LATS2: variants seen among roughly 807,000 people sequenced by gnomAD.
LATS2 encodes large tumor suppressor kinase 2.
A neutral mutation model predicts 76.0 loss-of-function variants in LATS2; 24 were observed. The ratio of observed to expected loss-of-function variants is 0.32; its 90% CI spans 0.23 to 0.44. The LOEUF (loss-of-function observed/expected upper bound fraction) is 0.44, where lower values mean the gene tolerates loss of function less well. Among genes scored for constraint, LATS2 ranks in the 20% least tolerant of loss-of-function variants. The pLI is 1.00. For synonymous variants in LATS2, 692 were observed against 635.4 expected, an observed-to-expected ratio of 1.09 and a Z score of -1.34; for missense variants, 1,286 against 1,481.2, an observed-to-expected ratio of 0.87 and a Z score of 2.16.
intron 2 of LATS2, among the ~76,000 whole-genome samples, chr13:21,007,895 A>G (rs1186470926): frequency 6.9e-6 from 1 of 144,612 alleles, no homozygotes; most frequent in Non-Finnish European, 1.5e-5. Flanking sequence ...GAGTAGCTGG[A>G]ATTACAGATG....
At chr13:21,015,324 C>T (rs901517781) in intron 2 of LATS2, among the ~76,000 whole-genome samples, 3 of 152,164 alleles carry the variant, frequency 2.0e-5, no homozygotes, top group African/African-American at 7.2e-5. Flanking sequence ...GGATCCTGCC[C>T]TGGAAGAAGG....
At position 20,989,283 on chromosome 13, in the gene LATS2, G is replaced by A; in HGVS notation, c.497C>T (p.Pro166Leu). Residue 166 changes from proline to leucine, a missense_variant, in exon 4 of 8, where the codon CCA becomes CTA. Transcript: ENST00000382592. ...TTCGAAGCTGGGCCTCCGCGTCACT[G>A]GGGTTGGCATGAGCCCCTTTCCTGC... ...TSPGKGLMPT[P>L]VTRRPSFEGT... The A allele has an allele frequency of 1.2e-6, 2 of 1,613,960 alleles. No homozygotes were observed. The highest frequency in any genetic ancestry group is 1.7e-6 in the Non-Finnish European group (2 of 1,180,032).
At chr13:21,032,943 A>G (rs1424474143) in intron 2 of LATS2, among the ~76,000 whole-genome samples, 2 of 152,140 alleles carry the variant, frequency 1.3e-5, no homozygotes, top group East Asian at 1.9e-4. Flanking sequence ...GGCAGACCCA[A>G]TGAGAACAGG....
chr13:21,022,508 G>A (rs1872110223), intron 2 of LATS2, among the ~76,000 whole-genome samples: 1 of 152,168 alleles, frequency 6.6e-6, no homozygotes, highest in Non-Finnish European at 1.5e-5. Flanking sequence ...ATTGGTCCAG[G>A]TGGACCTTGG....
At chr13:21,026,286 AC>A (rs1872308527) in intron 2 of LATS2, among the ~76,000 whole-genome samples, 1 of 150,092 alleles carries the variant, frequency 6.7e-6, no homozygotes, top group Admixed American at 6.7e-5. Context: ...CCTCCACCCC[AC>A]CCTAAGTAAC....
At position 21,045,873 on chromosome 13, in the gene LATS2, G is replaced by A. The variant is rs1049247677; in HGVS notation, c.154C>T (p.Leu52=). The change falls in exon 2 of 8, where the codon CTG becomes TTG. Residue 52 remains leucine, a synonymous_variant. Transcript: ENST00000382592. ...NSDTSLDAKV[L]GSKDATRQQQ... ...TGCCTGGTGGCATCTTTGCTCCCCA[G>A]GACTTTGGCATCCAGGGAAGTGTCA... The A allele has an allele frequency of 1.2e-6, 2 of 1,614,210 alleles. No individual in the cohort carries two copies. Among genetic ancestry groups the A allele is most frequent in the Admixed American group, 3.3e-5 (2 of 60,030 alleles).
chr13:21,051,151 CT>C (rs1873262179), intron 1 of LATS2, among the ~76,000 whole-genome samples: 1 of 152,222 alleles, frequency 6.6e-6, no homozygotes, highest in Non-Finnish European at 1.5e-5. Context: ...TCCAAGCAGA[CT>C]GCACATGCCC....
chr13:20,998,745 G>GCC lies in LATS2; in HGVS notation c.343-7342_343-7341insGG, dbSNP rs560130640. On this transcript the variant is annotated intron_variant, in intron 2 of 7. Transcript: ENST00000382592. ...GGCCCCAAGGCCTTGTCAATGCGGG[G>GCC]CGAGGCGGGGCGGGGCCCGACAACC... Among the ~76,000 whole-genome samples, 208 of 152,178 alleles carry GCC rather than the reference G, an allele frequency of 1.4e-3. 1 individual carries two copies. Among genetic ancestry groups the GCC allele is most frequent in the African/African-American group, 4.5e-3 (187 of 41,554 alleles).
At position 21,040,376 on chromosome 13, in the gene LATS2, C is replaced by CAA. The variant is rs141897751; in HGVS notation, c.342+5307_342+5308dup. ...ACAGCCTCGGCGACAGACCTTGTCT[C>CAA]AAAAAAAAAAAAAAAGAAAGAAAAA... On this transcript the variant is annotated intron_variant, in intron 2 of 7. Transcript: ENST00000382592. 7.1e-3 allele frequency among the ~76,000 whole-genome samples: 769 copies of CAA among 108,698 alleles called. 7 individuals carry two copies. Among genetic ancestry groups the CAA allele is most frequent in the African/African-American group, 0.026 (729 of 27,684 alleles). 71.3% of individuals were successfully genotyped at this position (108,698 alleles called of 152,430 possible).
At chr13:21,038,189 C>T (rs1377325969) in intron 2 of LATS2, among the ~76,000 whole-genome samples, 1 of 151,998 alleles carries the variant, frequency 6.6e-6, no homozygotes, top group East Asian at 1.9e-4. Flanking sequence ...CAACCAGGAG[C>T]CACCAAGATC....
rs1335337382 is a variant in LATS2 at position 20,988,056 on chromosome 13, G to A, written c.1724C>T (p.Thr575Ile). Residue 575 changes from threonine to isoleucine, a missense_variant, in exon 4 of 8, where the codon ACC (threonine) becomes ATC (isoleucine). Coordinates refer to ENST00000382592, the MANE Select transcript of LATS2 (RefSeq NM_014572.3). Reference sequence around the variant, plus strand: ...GTTTTTGCGGACGGGAACGGGAGAGGTCTGAATCTGCTTTTTATCCTTTCC... The same window carrying A: ...GTTTTTGCGGACGGGAACGGGAGAGATCTGAATCTGCTTTTTATCCTTTCC... The part of the protein sequence containing the change: ...KGGKDKKQIQ[T>I]SPVPVRKNSR... The A allele has an allele frequency of 2.5e-6, 4 of 1,614,140 alleles. No individual in the cohort carries two copies. In the South Asian group the frequency reaches 4.4e-5, roughly 18 times the overall value.
intron 3 of LATS2, among the ~76,000 whole-genome samples, chr13:20,989,782 C>A (rs1288769079): frequency 6.6e-6 from 1 of 152,222 alleles, no homozygotes; most frequent in Non-Finnish European, 1.5e-5. Flanking sequence ...TGCTCCACTT[C>A]TCTTTCACCT....
Position 21,050,948 on chromosome 13 carries a change from G to GT in LATS2, c.-204-4719_-204-4718insA, listed in dbSNP as rs535670603. 9.6e-4 allele frequency among the ~76,000 whole-genome samples: 147 copies of GT among 152,384 alleles called. 1 individual carries two copies. Among genetic ancestry groups the GT allele is most frequent in the Non-Finnish European group, 1.5e-3 (99 of 68,040 alleles). On this transcript the variant is annotated intron_variant, in intron 1 of 7. Coordinates refer to ENST00000382592, the MANE Select transcript of LATS2 (RefSeq NM_014572.3). ...ATGATACCACAGCCACGTGAGGGGG[G>GT]GCAGGAAAAGGCTGAGTCAAATGGA...
chr13:21,050,725 G>A (rs546869992), intron 1 of LATS2, among the ~76,000 whole-genome samples: 3 of 152,228 alleles, frequency 2.0e-5, no homozygotes, highest in South Asian at 2.1e-4. Flanking sequence ...GTGGGTGCTC[G>A]GCTCAAGGCC....
rs1870019472 is a variant in LATS2 at position 20,983,802 on chromosome 13, C to T, written c.1904G>A (p.Gly635Glu). Residue 635 changes from glycine (G) to glutamate (E), a missense_variant, in exon 5 of 8, where the codon GGA becomes GAA. Around this residue, in one of 5 missense-constraint regions of LATS2, gnomAD observed 247 missense variants for 385.4 expected, o/e 0.64. Transcript: ENST00000382592. ...CTGCTCCTGCTCAGCTTCACAGAGT[C>T]CAGCCTGTGTAGAAGGAAAAGGAAG... ...LQLEQEMAKAGLCEAEQEQMR... is the reference protein window; with the variant it reads ...LQLEQEMAKAELCEAEQEQMR... 6.2e-7 allele frequency: 1 copy of T among 1,608,566 alleles called. No homozygotes were observed. Among genetic ancestry groups the T allele is most frequent in the East Asian group, 2.2e-5 (1 of 44,868 alleles).
At position 20,988,975 on chromosome 13, in the gene LATS2, C is replaced by G. The variant is rs1277916868; in HGVS notation, c.805G>C (p.Val269Leu). Residue 269 changes from valine (V) to leucine (L), a missense_variant, in exon 4 of 8, where the codon GTG becomes CTG. Physicochemically the swap from Val to Leu is conservative, Grantham distance 32 (BLOSUM62 1). This residue lies in a region of LATS2 where 710 missense variants were observed against 660.9 expected (regional missense o/e 1.07). Transcript: ENST00000382592. ...LVPGEPLGYG[V>L]QRSPSFQSKT... ...CTCTGGAAGGAGGGGCTGCGCTGCA[C>G]TCCGTAGCCCAGGGGTTCCCCAGGC... The G allele has an allele frequency of 6.5e-7, 1 of 1,541,010 alleles. No homozygotes were observed.
rs1870519102 is a variant in LATS2 at position 20,991,726 on chromosome 13, T to C, written c.343-322A>G. 2.0e-5 allele frequency among the ~76,000 whole-genome samples: 3 copies of C among 152,148 alleles called. No homozygotes were observed. The highest frequency in any genetic ancestry group is 2.0e-4 in the Admixed American group (3 of 15,278). On this transcript the variant is annotated intron_variant, in intron 2 of 7. Coordinates refer to ENST00000382592, the MANE Select transcript of LATS2 (RefSeq NM_014572.3). This position sits in a 1 kb window ranked among gnomAD's most constrained non-coding sequence, Gnocchi z 4.9. ...AAACTTTTGTGGTTGGACTGGTGAG[T>C]TCAGGATGAACCTAAAACTAGAAAC...
At chr13:21,053,506 A>C (rs933292014) in intron 1 of LATS2, among the ~76,000 whole-genome samples, 2 of 152,060 alleles carry the variant, frequency 1.3e-5, no homozygotes, top group African/African-American at 4.8e-5. Flanking sequence ...GGCCCACGCA[A>C]CATCTGTTGA....
chr13:21,006,364 T>C (rs1871268858), intron 2 of LATS2, among the ~76,000 whole-genome samples: 1 of 152,116 alleles, frequency 6.6e-6, no homozygotes, highest in Non-Finnish European at 1.5e-5. Context: ...CAGCGCCCAC[T>C]GTGTACATCC....
Sources: allele counts gnomAD v4.1 joint callset (sites outside exome capture counted in the v4.1 genomes callset), GRCh38; gene constraint gnomAD v4.1.1; regional missense constraint gnomAD v4.1.1; non-coding constraint Gnocchi (gnomAD v3.1); transcripts MANE v1.5; gene names NCBI Gene and HGNC (gene_info 2026-07-23, HGNC 2026-07-21).